IMPG1: variants seen among roughly 807,000 people sequenced by gnomAD.
IMPG1 encodes the protein interphotoreceptor matrix proteoglycan 1.
A neutral mutation model predicts 92.0 loss-of-function variants in IMPG1; 85 were observed. That is an observed-to-expected ratio of 0.92 (90% confidence interval 0.78 to 1.11). The LOEUF is 1.11. Ranked by LOEUF, IMPG1 falls within the 50% of genes least tolerant of loss-of-function variation. The pLI, the probability that IMPG1 is intolerant of heterozygous loss-of-function variation, is 0.00. For synonymous variants in IMPG1, 367 were observed against 334.1 expected (o/e 1.10, Z -1.08); for missense variants, 1,022 against 956.0 (o/e 1.07, Z -0.91).
At chr6:76,041,206 G>A (rs187007144) in intron 2 of IMPG1, among the ~76,000 whole-genome samples, 1 of 152,244 alleles carries the variant, frequency 6.6e-6, no homozygotes, top group East Asian at 1.9e-4. Context: ...TGAAAAGATA[G>A]TCACTGATGG....
chr6:75,943,765 C>T (rs1264546839), intron 14 of IMPG1, among the ~76,000 whole-genome samples: 1 of 152,224 alleles, frequency 6.6e-6, no homozygotes, highest in Admixed American at 6.5e-5. Flanking sequence ...TTTATTTCTA[C>T]TCCTACATTC....
intron 1 of IMPG1, among the ~76,000 whole-genome samples, chr6:76,065,048 GTATATACAACATACAT>G (rs1266644414): frequency 6.6e-6 from 1 of 151,726 alleles, no homozygotes; most frequent in Non-Finnish European, 1.5e-5. Context: ...TAACTATAAT[GTATATACAACATACAT>G]TATAGTTACA....
intron 1 of IMPG1, among the ~76,000 whole-genome samples, chr6:76,066,478 A>G (rs543722832): frequency 6.6e-6 from 1 of 152,166 alleles, no homozygotes; most frequent in African/African-American, 2.4e-5. Flanking sequence ...AGGTCATTAT[A>G]TAATGATAAC....
intron 2 of IMPG1, among the ~76,000 whole-genome samples, chr6:76,037,742 G>A (rs1783765864): frequency 6.6e-6 from 1 of 152,174 alleles, no homozygotes; most frequent in African/African-American, 2.4e-5. Context: ...ACCAGTATAA[G>A]TGTCAGAGAT....
intron 12 of IMPG1, among the ~76,000 whole-genome samples, chr6:75,996,376 A>C (rs1343354197): frequency 6.6e-6 from 1 of 152,226 alleles, no homozygotes; most frequent in African/African-American, 2.4e-5. Flanking sequence ...ACCTGTATTC[A>C]TGTGAAGGAG....
intron 12 of IMPG1, among the ~76,000 whole-genome samples, chr6:75,995,654 C>T (rs1172759227): frequency 6.6e-6 from 1 of 152,132 alleles, no homozygotes; most frequent in African/African-American, 2.4e-5. Context: ...GTTACATATC[C>T]TCTGTATCAG....
intron 14 of IMPG1, among the ~76,000 whole-genome samples, chr6:75,933,181 A>C (rs1781691493): frequency 2.6e-5 from 4 of 152,250 alleles, no homozygotes; most frequent in African/African-American, 9.6e-5. Context: ...ACTTGAGATC[A>C]ATAGCAGATT....
chr6:76,050,251 C>T (rs1471455681), intron 1 of IMPG1, among the ~76,000 whole-genome samples: 1 of 151,916 alleles, frequency 6.6e-6, no homozygotes, highest in Non-Finnish European at 1.5e-5. Context: ...ACTAGCCTGG[C>T]CAACATGGTG....
intron 12 of IMPG1, among the ~76,000 whole-genome samples, chr6:75,959,581 C>T (rs1327826561): frequency 1.3e-5 from 2 of 152,114 alleles, no homozygotes; most frequent in Non-Finnish European, 2.9e-5. Flanking sequence ...GAGGAGGAAT[C>T]CAGAGAGGCA....
intron 12 of IMPG1, among the ~76,000 whole-genome samples, chr6:75,989,506 T>G (rs1421352750): frequency 6.6e-6 from 1 of 152,150 alleles, no homozygotes; most frequent in South Asian, 2.1e-4. Flanking sequence ...GAATGAAGAT[T>G]GGTTTGAGGA....
intron 4 of IMPG1, 151 bp from the exon 5 acceptor site, chr6:76,025,409 A>G (rs564576000): frequency 2.2e-6 from 1 of 453,944 alleles, no homozygotes; most frequent in Admixed American, 4.0e-5. Context: ...TAAACTACAG[A>G]AGTAATATTT....
Position 75,986,118 on chromosome 6 carries a change from G to GT in IMPG1, c.1291+16799dup, listed in dbSNP as rs35878291. Among the ~76,000 whole-genome samples the GT allele has an allele frequency of 4.1e-3, 629 of 151,672 alleles. 9 individuals carry two copies. Among genetic ancestry groups the GT allele is most frequent in the African/African-American group, 0.014 (597 of 41,360 alleles). On this transcript the variant is annotated intron_variant, in intron 12 of 16. Coordinates refer to ENST00000369950, the MANE Select transcript of IMPG1 (RefSeq NM_001563.4). ...GTAAATGATGAACCATGTACCATGG[G>GT]TTTTTTTTGGTACTTTGGTACTTTA...
chr6:76,063,203 CA>C (rs1295633413), intron 1 of IMPG1, among the ~76,000 whole-genome samples: 1 of 146,896 alleles, frequency 6.8e-6, no homozygotes, highest in Non-Finnish European at 1.5e-5. Flanking sequence ...GACTCCATCT[CA>C]AAAAAATAAA....
intron 1 of IMPG1, among the ~76,000 whole-genome samples, chr6:76,052,450 G>T (rs1044535752): frequency 6.6e-6 from 1 of 152,170 alleles, no homozygotes; most frequent in Non-Finnish European, 1.5e-5. Flanking sequence ...GCAGCCTCTC[G>T]AATGACGTAC....
intron 12 of IMPG1, among the ~76,000 whole-genome samples, chr6:75,969,664 C>T (rs1202671720): frequency 1.3e-5 from 2 of 151,970 alleles, no homozygotes; most frequent in African/African-American, 4.8e-5. Context: ...ACCCATGAGA[C>T]AGAGGCTGCA....
chr6:76,064,553 C>T (rs1450482981), intron 1 of IMPG1, among the ~76,000 whole-genome samples: 1 of 151,952 alleles, frequency 6.6e-6, no homozygotes, highest in Non-Finnish European at 1.5e-5. Context: ...GACCTCAGCA[C>T]ATTTCACCGG....
intron 12 of IMPG1, among the ~76,000 whole-genome samples, chr6:75,952,967 A>T (rs1782058932): frequency 6.6e-6 from 1 of 152,210 alleles, no homozygotes; most frequent in African/African-American, 2.4e-5. Context: ...TCATTATGGA[A>T]GTCTGAGTTG....
At chr6:75,945,870 C>T (rs1348365014) in intron 14 of IMPG1, among the ~76,000 whole-genome samples, 1 of 152,168 alleles carries the variant, frequency 6.6e-6, no homozygotes, top group African/African-American at 2.4e-5. Context: ...CTCCCTACAG[C>T]CGCACACCTG....
At chr6:76,050,959 G>A (rs554637632) in intron 1 of IMPG1, among the ~76,000 whole-genome samples, 13 of 152,212 alleles carry the variant, frequency 8.5e-5, no homozygotes, top group Admixed American at 7.2e-4. Flanking sequence ...CTTCCTAGGG[G>A]AAAAGGTCTC....
Sources: allele counts gnomAD v4.1 joint callset (sites outside exome capture counted in the v4.1 genomes callset), GRCh38; gene constraint gnomAD v4.1.1; transcripts MANE v1.5; gene names NCBI Gene and HGNC (gene_info 2026-07-23, HGNC 2026-07-21).